Variants in CDIN1 observed in about 807,000 individuals in gnomAD.
CDIN1 encodes the protein CDAN1 interacting nuclease 1, also known as CDAN1-interacting nuclease 1.
Under a neutral mutation model 45.3 loss-of-function variants are expected in CDIN1, and 33 were observed. That is an observed-to-expected ratio of 0.73 (90% CI 0.55 to 0.97). CDIN1 has a LOEUF of 0.97. Among genes scored for constraint, CDIN1 ranks in the 50% least tolerant of loss-of-function variants. CDIN1 has a pLI of 0.00. For missense variants in CDIN1, 303 were observed against 339.4 expected, an observed-to-expected ratio of 0.89 and a Z score of 0.84; for synonymous variants, 118 against 124.4, an observed-to-expected ratio of 0.95 and a Z score of 0.34.
At chr15:36,656,787 C>T (rs2040801295) in intron 4 of CDIN1, among the ~76,000 whole-genome samples, 1 of 152,110 alleles carries the variant, frequency 6.6e-6, no homozygotes, top group South Asian at 2.1e-4. Context: ...CATCCAAGTA[C>T]ATACGTATTT....
intron 1 of CDIN1, among the ~76,000 whole-genome samples, chr15:36,584,108 T>G (rs998591948): frequency 3.9e-4 from 59 of 152,226 alleles, no homozygotes; most frequent in African/African-American, 1.3e-3. Flanking sequence ...GATAATTATT[T>G]ACCCAATTTT....
At chr15:36,630,136 C>T (rs1200175299) in intron 1 of CDIN1, among the ~76,000 whole-genome samples, 1 of 152,070 alleles carries the variant, frequency 6.6e-6, no homozygotes, top group African/African-American at 2.4e-5. Flanking sequence ...AATTATTTTC[C>T]TTGATCTTCT....
intron 10 of CDIN1, 40 bp from the exon 11 acceptor site, chr15:36,808,284 T>C: frequency 6.2e-7 from 1 of 1,609,820 alleles, no homozygotes; most frequent in Non-Finnish European, 8.5e-7. Flanking sequence ...AGAGCTCTGT[T>C]GATACCATGT....
At chr15:36,746,788 C>G in intron 10 of CDIN1, 4 of 117,142 alleles carry the variant, frequency 3.4e-5, no homozygotes, top group Admixed American at 1.2e-4. Context: ...GAGACAGGGT[C>G]TCACTCTGTT....
chr15:36,662,019 T>C (rs1295573988), intron 5 of CDIN1, among the ~76,000 whole-genome samples: 1 of 152,232 alleles, frequency 6.6e-6, no homozygotes, highest in East Asian at 1.9e-4. Flanking sequence ...CCATGTTTAC[T>C]GCTACTGAGT....
chr15:36,697,360 T>C lies in CDIN1; in HGVS notation c.514T>C (p.Leu172=), dbSNP rs746585714. 1 of 1,612,594 alleles carries C rather than the reference T, an allele frequency of 6.2e-7. No homozygotes were observed. The highest frequency in any genetic ancestry group is 8.5e-7 in the Non-Finnish European group (1 of 1,179,328). Residue 172 remains leucine (L), a synonymous_variant, in exon 8 of 11, where the codon TTG becomes CTG. Transcript: ENST00000566621. Reference sequence around the variant, plus strand: ...TGAGCATGAGGTCCTGCTGAGAGACTTGCTTCTAGAGAAAAACCTGTCCTT... The same window carrying C: ...TGAGCATGAGGTCCTGCTGAGAGACCTGCTTCTAGAGAAAAACCTGTCCTT... ...GHEHEVLLRD[L]LLEKNLSFLD...
chr15:36,583,310 T>C (rs1004808654), intron 1 of CDIN1, among the ~76,000 whole-genome samples: 8 of 152,226 alleles, frequency 5.3e-5, no homozygotes, highest in Non-Finnish European at 1.2e-4. Flanking sequence ...TAGTAAATGC[T>C]GAGAGGTGAA....
At chr15:36,697,254 G>A in intron 7 of CDIN1, 69 bp from the exon 8 acceptor site, 3 of 1,332,372 alleles carry the variant, frequency 2.3e-6, no homozygotes, top group Non-Finnish European at 2.2e-6. Context: ...TCAAAGTATA[G>A]ACCTGGTATT....
At chr15:36,744,456 T>C (rs1228267152) in intron 10 of CDIN1, among the ~76,000 whole-genome samples, 1 of 152,200 alleles carries the variant, frequency 6.6e-6, no homozygotes, top group Non-Finnish European at 1.5e-5. Flanking sequence ...GGTAATATGT[T>C]CACTCATTAA....
intron 10 of CDIN1, among the ~76,000 whole-genome samples, chr15:36,740,745 C>T (rs1356189381): frequency 3.9e-5 from 6 of 151,952 alleles, no homozygotes; most frequent in African/African-American, 1.5e-4. Context: ...AAAAATCAGC[C>T]GGGCATGGTG....
chr15:36,584,305 C>T (rs1054408712), intron 1 of CDIN1, among the ~76,000 whole-genome samples: 1 of 152,052 alleles, frequency 6.6e-6, no homozygotes, highest in African/African-American at 2.4e-5. Context: ...TGTGGTGGTA[C>T]ATGCTTGTAG....
intron 5 of CDIN1, among the ~76,000 whole-genome samples, chr15:36,688,370 A>G (rs922368337): frequency 6.6e-6 from 1 of 152,190 alleles, no homozygotes; most frequent in Admixed American, 6.5e-5. Context: ...TTAGTTCTTT[A>G]TGTTAAAAAT....
At chr15:36,588,304 AC>A (rs1217051671) in intron 1 of CDIN1, among the ~76,000 whole-genome samples, 1 of 152,184 alleles carries the variant, frequency 6.6e-6, no homozygotes, top group Non-Finnish European at 1.5e-5. Context: ...CATAATTAAT[AC>A]CGTAGGGCTT....
At chr15:36,654,513 C>CAA (rs35679788) in intron 4 of CDIN1, among the ~76,000 whole-genome samples, 16,655 of 94,872 alleles carry the variant, frequency 0.18, 1,458 homozygotes, top group Admixed American at 0.26. Context: ...AGATGGATGC[C>CAA]AAAAAAAAAA....
intron 1 of CDIN1, chr15:36,617,144 C>G (rs2038934320): frequency 1.0e-6 from 1 of 964,158 alleles, no homozygotes; most frequent in Admixed American, 1.7e-5. Context: ...AATCCTAATG[C>G]CAAAGTATGG....
chr15:36,659,051 C>T (rs779127611), intron 5 of CDIN1, among the ~76,000 whole-genome samples: 2 of 152,286 alleles, frequency 1.3e-5, no homozygotes, highest in South Asian at 2.1e-4. Context: ...TTTTCAACTT[C>T]GCAGCAGCAC....
rs143830992 is a variant in CDIN1 at position 36,728,697 on chromosome 15, C to T, written c.716+18736C>T. 9.9e-3 allele frequency among the ~76,000 whole-genome samples: 1,508 copies of T among 151,806 alleles called. 13 individuals carry two copies. Among genetic ancestry groups the T allele is most frequent in the Non-Finnish European group, 0.016 (1,061 of 67,922 alleles). On this transcript the variant is annotated intron_variant, in intron 10 of 10. Transcript: ENST00000566621. ...AAAAAATTTTTTTTTCTTCTTACGA[C>T]GAAGTGTTGCTCTGTCACCAGACTG... is the stretch of plus-strand genomic sequence containing the variant.
At chr15:36,627,210 C>A in intron 1 of CDIN1, 2 of 187,810 alleles carry the variant, frequency 1.1e-5, no homozygotes, top group South Asian at 2.8e-4. Context: ...CTGCTGAGGT[C>A]GAAGCCTGGG....
At chr15:36,626,713 C>T (rs533866648) in intron 1 of CDIN1, 6 of 432,108 alleles carry the variant, frequency 1.4e-5, no homozygotes, top group East Asian at 7.5e-5. Context: ...TATTCTGGTT[C>T]ACCTGAAAAT....
Sources: gnomAD v4.1 joint callset for allele counts (sites outside exome capture counted in the v4.1 genomes callset) on GRCh38, gnomAD v4.1.1 for gene constraint, MANE v1.5 for transcripts, NCBI Gene and HGNC (gene_info 2026-07-23, HGNC 2026-07-21) for gene names.